SHPRH: variants seen among roughly 807,000 people sequenced by gnomAD.
The protein encoded by SHPRH is SNF2 histone linker PHD RING helicase.
A neutral mutation model predicts 202.5 loss-of-function variants in SHPRH; 106 were observed. The observed-to-expected ratio is 0.52, with a 90% confidence interval of 0.45 to 0.62. SHPRH has a LOEUF of 0.62. Ranked by LOEUF, SHPRH falls within the 20% of genes least tolerant of loss-of-function variation. SHPRH has a pLI of 0.00. For synonymous variants in SHPRH, 729 were observed against 686.0 expected (o/e 1.06, Z -0.98); for missense variants, 1,710 against 2,020.0 (o/e 0.85, Z 2.94).
Position 145,943,299 on chromosome 6 carries a change from T to C in SHPRH, c.2082A>G (p.Lys694=), listed in dbSNP as rs1376367119. Residue 694 remains lysine, a synonymous_variant, in exon 9 of 30, where the codon AAA becomes AAG. Transcript: ENST00000275233. The part of the protein sequence containing the change: ...QHAKCVNYDE[K]NLKIKPFYCP... ...AGTAAAAAGGCTTGATCTTCAGATTTTTCTCATCATAATTCACACACTTTG... is the reference window on the plus strand; with the variant it reads ...AGTAAAAAGGCTTGATCTTCAGATTCTTCTCATCATAATTCACACACTTTG... 6.2e-7 allele frequency: 1 copy of C among 1,613,782 alleles called. No individual in the cohort carries two copies. The highest frequency in any genetic ancestry group is 1.3e-5 in the African/African-American group (1 of 75,014).
intron 28 of SHPRH, among the ~76,000 whole-genome samples, chr6:145,892,620 C>A (rs1386678838): frequency 2.6e-5 from 4 of 151,888 alleles, no homozygotes; most frequent in East Asian, 1.9e-4. Context: ...ATACATTTAG[C>A]AGGCCTTATC....
rs756418240 is a variant in SHPRH, at chr6:145,919,378, C to A, written c.4122G>T (p.Pro1374=). Reference sequence around the variant, plus strand: ...GTGGTTCAATGATATGAAGAACAGGCGGATTAGGCTTTGGCTCCCTAGGAT... The same window carrying A: ...GTGGTTCAATGATATGAAGAACAGGAGGATTAGGCTTTGGCTCCCTAGGAT... The part of the protein sequence containing the change: ...VRDPREPKPN[P]PVLHIIEPHE... Residue 1374 remains proline, a synonymous_variant, in exon 22 of 30, where the codon CCG becomes CCT. Transcript: ENST00000275233. 1.9e-6 allele frequency: 3 copies of A among 1,612,970 alleles called. No individual in the cohort carries two copies. The highest frequency in any genetic ancestry group is 2.5e-6 in the Non-Finnish European group (3 of 1,179,308).
intron 1 of SHPRH, 146 bp from the exon 2 acceptor site, chr6:145,955,500 T>C (rs1788417422): frequency 4.5e-6 from 3 of 672,816 alleles, no homozygotes; most frequent in Admixed American, 3.4e-5. Context: ...GTAATTTTTT[T>C]ACCAGGTCAT....
intron 28 of SHPRH, among the ~76,000 whole-genome samples, chr6:145,889,246 A>C (rs1306390934): frequency 6.6e-6 from 1 of 152,150 alleles, no homozygotes; most frequent in Non-Finnish European, 1.5e-5. Flanking sequence ...AAGAACCCTC[A>C]GACCACTGGC....
chr6:145,919,306 T>C, intron 22 of SHPRH, 42 bp downstream of exon 22: 1 of 1,609,874 alleles, frequency 6.2e-7, no homozygotes, highest in Non-Finnish European at 8.5e-7. Context: ...ATCTGTGACA[T>C]CTGCTTGCTG....
intron 23 of SHPRH, among the ~76,000 whole-genome samples, chr6:145,915,531 T>TA (rs1783872973): frequency 6.6e-6 from 1 of 152,066 alleles, no homozygotes; most frequent in South Asian, 2.1e-4. Flanking sequence ...TCACTTTTTT[T>TA]AAAAAAAGGA....
At chr6:145,914,828 A>T (rs1433812583) in intron 23 of SHPRH, among the ~76,000 whole-genome samples, 1 of 152,124 alleles carries the variant, frequency 6.6e-6, no homozygotes. Context: ...CTTCAGTCAG[A>T]AAACATACTC....
At position 145,867,631 on chromosome 6, in the gene SHPRH, T is replaced by TAGAG. The variant is rs748613165; in HGVS notation, c.222-3144_222-3141dup. ...ATATATATATATATATATATATATATAGAGAGAGAGAGAGAGAGAGAGAGA... is the reference window on the plus strand; with the variant it reads ...ATATATATATATATATATATATATATAGAGAGAGAGAGAGAGAGAGAGAGAGAGA... On this transcript the variant is annotated intron_variant, in intron 2 of 2. Transcript: ENST00000417762. 7.2e-3 allele frequency among the ~76,000 whole-genome samples: 160 copies of TAGAG among 22,314 alleles called. 6 individuals are homozygous for TAGAG. The highest frequency in any genetic ancestry group is 0.031 in the Middle Eastern group (1 of 32). 14.6% of individuals were successfully genotyped at this position (22,314 alleles called of 152,430 possible).
In SHPRH at chr6:145,897,850, T is replaced by C. The variant is rs375963202; in HGVS notation, c.4516-2873A>G. Among the ~76,000 whole-genome samples, 23 of 152,138 alleles carry C rather than the reference T, an allele frequency of 1.5e-4. No homozygotes were observed. The South Asian group carries it at 4.1e-3, about 27-fold the overall frequency. On this transcript the variant is annotated intron_variant, in intron 25 of 29. Transcript: ENST00000275233. ...CAATAAACTCTCAACAACTTAGGTATAGAAGGAATGTACCTCAACACAGTA... is the reference window on the plus strand; with the variant it reads ...CAATAAACTCTCAACAACTTAGGTACAGAAGGAATGTACCTCAACACAGTA...
At chr6:145,952,278 G>T in intron 3 of SHPRH, 71 bp downstream of exon 3, 1 of 1,362,196 alleles carries the variant, frequency 7.3e-7, no homozygotes, top group East Asian at 2.4e-5. Flanking sequence ...TGATTGTTAT[G>T]TCCAGGGGTT....
At chr6:145,891,604 T>A (rs1232110718) in intron 28 of SHPRH, among the ~76,000 whole-genome samples, 2 of 152,170 alleles carry the variant, frequency 1.3e-5, no homozygotes, top group African/African-American at 4.8e-5. Context: ...TCAATAAAAA[T>A]CTACCAAAAA....
At chr6:145,928,189 C>G (rs901207002) in intron 14 of SHPRH, among the ~76,000 whole-genome samples, 4 of 152,014 alleles carry the variant, frequency 2.6e-5, no homozygotes, top group Non-Finnish European at 4.4e-5. Context: ...GCGCAGAGAT[C>G]TTATGGCTTG....
chr6:145,889,989 C>T (rs1310097227), intron 28 of SHPRH, among the ~76,000 whole-genome samples: 1 of 152,202 alleles, frequency 6.6e-6, no homozygotes, highest in Non-Finnish European at 1.5e-5. Context: ...CTCTTGCCTA[C>T]TCAAGGACAT....
chr6:145,896,529 G>C (rs1782023676), intron 25 of SHPRH, among the ~76,000 whole-genome samples: 1 of 152,048 alleles, frequency 6.6e-6, no homozygotes, highest in African/African-American at 2.4e-5. Flanking sequence ...GAAAAGAACA[G>C]AGCATTTGCT....
Position 145,910,518 on chromosome 6 carries a change from G to A in SHPRH, c.4445C>T (p.Thr1482Ile). Residue 1482 changes from threonine to isoleucine, a missense_variant, in exon 25 of 30, where the codon ACA becomes ATA. Thr to Ile is a moderately conservative substitution (Grantham distance 89). Coordinates refer to ENST00000275233, the MANE Select transcript of SHPRH (RefSeq NM_001042683.3). ...GACATACGAGATTTCTTTGTGAGAT[G>A]TGGTCTGGCGGCAGATTGCACACTT... Reference protein sequence around the residue: ...SIKCAICRQTTSHKEISYVFT... With the variant: ...SIKCAICRQTISHKEISYVFT... 2 of 1,613,224 alleles carry A rather than the reference G, an allele frequency of 1.2e-6. No individual in the cohort carries two copies. Among genetic ancestry groups the A allele is most frequent in the Non-Finnish European group, 1.7e-6 (2 of 1,179,596 alleles).
intron 28 of SHPRH, among the ~76,000 whole-genome samples, chr6:145,890,017 G>T (rs1295293279): frequency 6.6e-6 from 1 of 152,144 alleles, no homozygotes; most frequent in Non-Finnish European, 1.5e-5. Flanking sequence ...CATTCTCCCT[G>T]TTCTCCTTCA....
At chr6:145,956,017 A>AT (rs1279832343) in intron 1 of SHPRH, among the ~76,000 whole-genome samples, 5 of 152,152 alleles carry the variant, frequency 3.3e-5, no homozygotes, top group African/African-American at 4.8e-5. Flanking sequence ...CGAAAAACAC[A>AT]TTGTATGAGA....
At chr6:145,874,204 TAATAA>T (rs1392537028) in intron 2 of SHPRH, among the ~76,000 whole-genome samples, 35 of 135,528 alleles carry the variant, frequency 2.6e-4, no homozygotes, top group African/African-American at 9.1e-4. Flanking sequence ...ATCTCAAAAA[TAATAA>T]AATAATAATA....
intron 14 of SHPRH, among the ~76,000 whole-genome samples, chr6:145,931,207 G>T (rs1384315767): frequency 6.6e-6 from 1 of 151,860 alleles, no homozygotes; most frequent in Non-Finnish European, 1.5e-5. Context: ...CTCTTAATTG[G>T]GATATTTAGA....
Sources: allele counts gnomAD v4.1 joint callset (sites outside exome capture counted in the v4.1 genomes callset), GRCh38; gene constraint gnomAD v4.1.1; transcripts MANE v1.5; gene names NCBI Gene and HGNC (gene_info 2026-07-23, HGNC 2026-07-21).